Variants in SMG6 observed in about 807,000 individuals in gnomAD.
SMG6 encodes the protein telomerase-binding protein EST1A.
In SMG6, 66 loss-of-function variants were observed where a neutral mutation model predicts 142.2. The observed-to-expected ratio is 0.46, with a 90% CI of 0.38 to 0.57. The LOEUF (loss-of-function observed/expected upper bound fraction) is 0.57. Ranked by LOEUF, SMG6 falls within the 20% of genes least tolerant of loss-of-function variation. SMG6 has a pLI of 0.00. For missense variants in SMG6, 1,793 were observed against 1,832.0 expected (o/e 0.98, Z 0.39); for synonymous variants, 779 against 702.4 (o/e 1.11, Z -1.72).
At chr17:2,163,663 C>T (rs953076887) in intron 13 of SMG6, among the ~76,000 whole-genome samples, 8 of 151,852 alleles carry the variant, frequency 5.3e-5, no homozygotes, top group Non-Finnish European at 1.0e-4. Flanking sequence ...TTTATTTTTT[C>T]CCTTCCAACA....
At chr17:2,135,126 T>C (rs1018626025) in intron 13 of SMG6, among the ~76,000 whole-genome samples, 1 of 152,204 alleles carries the variant, frequency 6.6e-6, no homozygotes, top group African/African-American at 2.4e-5. Context: ...GTGATCCACC[T>C]GCCTCGGCCT....
chr17:2,267,278 C>T (rs1188929377), intron 8 of SMG6, among the ~76,000 whole-genome samples: 3 of 152,134 alleles, frequency 2.0e-5, no homozygotes, highest in African/African-American at 4.8e-5. Flanking sequence ...AGTCAAGACT[C>T]ACTGCAGCCT....
At chr17:2,242,009 G>A (rs766097817) in intron 9 of SMG6, among the ~76,000 whole-genome samples, 10 of 152,124 alleles carry the variant, frequency 6.6e-5, no homozygotes, top group Admixed American at 1.3e-4. Flanking sequence ...AAGAAGGCAG[G>A]GATGCTGCCA....
At chr17:2,156,580 C>T (rs1363075825) in intron 13 of SMG6, among the ~76,000 whole-genome samples, 1 of 152,122 alleles carries the variant, frequency 6.6e-6, no homozygotes, top group East Asian at 1.9e-4. Context: ...CCAGGTGCAT[C>T]CCTTATGAGC....
intron 10 of SMG6, among the ~76,000 whole-genome samples, chr17:2,211,293 C>T (rs10445300): frequency 0.26 from 39,089 of 151,822 alleles, 6,495 homozygotes; most frequent in Admixed American, 0.36. Context: ...ACATTTTTAA[C>T]AATAGCAACA....
At chr17:2,196,890 A>G (rs1465463213) in intron 10 of SMG6, among the ~76,000 whole-genome samples, 1 of 152,208 alleles carries the variant, frequency 6.6e-6, no homozygotes, top group African/African-American at 2.4e-5. Flanking sequence ...AAGGAGGAAT[A>G]TCTTTTCAAC....
At chr17:2,211,906 A>G (rs1300264707) in intron 10 of SMG6, among the ~76,000 whole-genome samples, 1 of 152,042 alleles carries the variant, frequency 6.6e-6, no homozygotes, top group African/African-American at 2.4e-5. Flanking sequence ...TGCCAATCAA[A>G]AGCCAAGGCT....
Position 2,186,838 on chromosome 17 carries a change from A to G in SMG6, c.2987-7T>C. The G allele has an allele frequency of 6.2e-7, 1 of 1,613,766 alleles. No individual in the cohort carries two copies. The highest frequency in any genetic ancestry group is 8.5e-7 in the Non-Finnish European group (1 of 1,179,858). Reference sequence around the variant, plus strand: ...TCAGGAGAGGACAGCTGAGCTGCAGAGGCAAAGGGTGAGAACTGGGCCTAT... The same window carrying G: ...TCAGGAGAGGACAGCTGAGCTGCAGGGGCAAAGGGTGAGAACTGGGCCTAT... On this transcript the variant is annotated splice_polypyrimidine_tract_variant and splice_region_variant and intron_variant, in intron 11 of 18. Coordinates refer to ENST00000263073, the MANE Select transcript of SMG6 (RefSeq NM_017575.5).
At chr17:2,149,790 T>C (rs987432152) in intron 13 of SMG6, among the ~76,000 whole-genome samples, 2 of 152,216 alleles carry the variant, frequency 1.3e-5, no homozygotes, top group African/African-American at 4.8e-5. Context: ...CCTAAGAGGC[T>C]AAAACTTGCC....
rs1247173761 is a variant in SMG6 at position 2,061,509 on chromosome 17, A to G, written c.4243T>C (p.Trp1415Arg). 1 of 1,570,966 alleles carries G rather than the reference A, an allele frequency of 6.4e-7. No individual in the cohort carries two copies. The highest frequency in any genetic ancestry group is 8.6e-7 in the Non-Finnish European group (1 of 1,159,422). ...TGGCTCCCTCAGCCCACCTGGGCCCACGTGAGGAAGGCTGGGATGTCCCGT... is the reference window on the plus strand; with the variant it reads ...TGGCTCCCTCAGCCCACCTGGGCCCGCGTGAGGAAGGCTGGGATGTCCCGT... ...PVRDIPAFLT[W>R]AQVG is the part of the protein sequence containing the mutation. Residue 1415 changes from tryptophan to arginine, a missense_variant, in exon 19 of 19, where the codon TGG (tryptophan) becomes CGG (arginine). This residue lies in a region of SMG6 where 179 missense variants were observed against 212.6 expected (regional missense o/e 0.84). Transcript: ENST00000263073.
At chr17:2,121,813 C>A (rs549731000) in intron 13 of SMG6, among the ~76,000 whole-genome samples, 6 of 151,882 alleles carry the variant, frequency 4.0e-5, no homozygotes, top group Admixed American at 3.9e-4. Flanking sequence ...GATGGGGTTT[C>A]GCCATGTTGC....
At chr17:2,240,732 T>G (rs112578121) in intron 9 of SMG6, among the ~76,000 whole-genome samples, 11 of 152,356 alleles carry the variant, frequency 7.2e-5, no homozygotes, top group African/African-American at 2.4e-4. Context: ...TAGTAGGCAT[T>G]CGAGTCTCTG....
At chr17:2,106,169 A>G (rs1042911687) in intron 13 of SMG6, among the ~76,000 whole-genome samples, 1 of 152,244 alleles carries the variant, frequency 6.6e-6, no homozygotes, top group African/African-American at 2.4e-5. Flanking sequence ...TTGAGTTCTC[A>G]GGGAGACCTT....
At chr17:2,108,167 G>C (rs182082570) in intron 13 of SMG6, among the ~76,000 whole-genome samples, 265 of 152,248 alleles carry the variant, frequency 1.7e-3, no homozygotes, top group Non-Finnish European at 3.1e-3. Context: ...GAATTTGCAT[G>C]AATTACAGAA....
At chr17:2,248,080 T>A (rs1173743312) in intron 8 of SMG6, among the ~76,000 whole-genome samples, 1 of 152,220 alleles carries the variant, frequency 6.6e-6, no homozygotes, top group Non-Finnish European at 1.5e-5. Context: ...CACTCCAGCC[T>A]GGGAGACAGA....
rs2068434590 is a variant in SMG6 at position 2,081,883 on chromosome 17, C to G, written c.3608G>C (p.Arg1203Thr). The G allele has an allele frequency of 1.2e-6, 2 of 1,614,088 alleles. No individual in the cohort carries two copies. Among genetic ancestry groups the G allele is most frequent in the Non-Finnish European group, 1.7e-6 (2 of 1,180,058 alleles). ...AGCCAGCTTCTTGGCCCGAAGCTCCCTGATGTCATCCTCGCCTCCGCTGCC... is the reference window on the plus strand; with the variant it reads ...AGCCAGCTTCTTGGCCCGAAGCTCCGTGATGTCATCCTCGCCTCCGCTGCC... ...AEGSGGEDDIRELRAKKLALA... is the reference protein window; with the variant it reads ...AEGSGGEDDITELRAKKLALA... Residue 1203 changes from arginine (R) to threonine (T), a missense_variant, in exon 15 of 19, where the codon AGG becomes ACG. By Grantham distance (71) the Arg-to-Thr change is moderately conservative. Transcript: ENST00000263073.
intron 13 of SMG6, among the ~76,000 whole-genome samples, chr17:2,102,816 T>C (rs1423571670): frequency 6.6e-6 from 1 of 152,194 alleles, no homozygotes; most frequent in East Asian, 1.9e-4. Context: ...TCCCAGCCTC[T>C]GTAGCCACCA....
chr17:2,124,672 G>T (rs1480365012), intron 13 of SMG6, among the ~76,000 whole-genome samples: 1 of 152,154 alleles, frequency 6.6e-6, no homozygotes, highest in East Asian at 1.9e-4. Flanking sequence ...GGAGTCATTA[G>T]AGAGAAGCTG....
chr17:2,210,087 T>C (rs2072803408), intron 10 of SMG6, among the ~76,000 whole-genome samples: 1 of 151,946 alleles, frequency 6.6e-6, no homozygotes, highest in African/African-American at 2.4e-5. Context: ...TTGACCCAAT[T>C]TGGGAGTACT....
Sources: gnomAD v4.1 joint callset for allele counts (sites outside exome capture counted in the v4.1 genomes callset) on GRCh38, gnomAD v4.1.1 for gene constraint, gnomAD v4.1.1 regional missense constraint, MANE v1.5 for transcripts, NCBI Gene and HGNC (gene_info 2026-07-23, HGNC 2026-07-21) for gene names.